Variants in CFAP100 observed in about 807,000 individuals in gnomAD.
CFAP100 encodes cilia- and flagella-associated protein 100.
In CFAP100, 70 loss-of-function variants were observed where a neutral mutation model predicts 81.5. The observed-to-expected ratio is 0.86, with a 90% CI of 0.71 to 1.05. CFAP100 has a LOEUF of 1.05. Among genes scored for constraint, CFAP100 ranks in the 50% least tolerant of loss-of-function variants. The pLI is 0.00. For synonymous variants in CFAP100, 341 were observed against 314.8 expected (o/e 1.08, Z -0.88); for missense variants, 811 against 776.5 (o/e 1.04, Z -0.53).
At position 126,435,596 on chromosome 3, in the gene CFAP100, CAGG is replaced by C; in HGVS notation, c.1672_1674del (p.Glu558del). ...GAAGCTCCAGATGCAAAAGATCCTA[CAGG>C]AGGAGCATCTGCAGCGGGCCCGGGC... On this transcript the variant is annotated inframe_deletion, in exon 16 of 17. Coordinates refer to ENST00000352312, the MANE Select transcript of CFAP100 (RefSeq NM_182628.3). 6.2e-7 allele frequency: 1 copy of C among 1,612,620 alleles called. No homozygotes were observed. The highest frequency in any genetic ancestry group is 8.5e-7 in the Non-Finnish European group (1 of 1,178,938).
chr3:126,424,860 G>A (rs1393360022), intron 13 of CFAP100, among the ~76,000 whole-genome samples: 2 of 152,220 alleles, frequency 1.3e-5, no homozygotes, highest in Non-Finnish European at 2.9e-5. Flanking sequence ...GGAGTGGGAG[G>A]AAAGCCATCC....
Position 126,423,353 on chromosome 3 carries a change from G to A in CFAP100, c.1111G>A (p.Glu371Lys), listed in dbSNP as rs1157982358. The change falls in exon 12 of 17, where the codon GAG becomes AAG. Residue 371 changes from glutamate (E) to lysine (K), a missense_variant. Coordinates refer to ENST00000352312, the MANE Select transcript of CFAP100 (RefSeq NM_182628.3). ...GSNSPIPPTQ[E>K]DTDSDGEEPQ... ...GAACTCTCCCATCCCCCCCACGCAG[G>A]AGGACACCGACAGCGATGGGGAGGT... 3.1e-6 allele frequency: 5 copies of A among 1,613,580 alleles called. No homozygotes were observed. In the East Asian group the frequency reaches 6.7e-5, roughly 22 times the overall value.
rs186809797 is a variant in CFAP100 at position 126,430,090 on chromosome 3, T to C, written c.1287-2979T>C. ...TTTTCTCTTGCTATCAAAATCTTTT[T>C]ATCTTTGACTCTAGATAATTTCATT... On this transcript the variant is annotated intron_variant, in intron 13 of 16. Transcript: ENST00000352312. Among the ~76,000 whole-genome samples, 618 of 152,352 alleles carry C rather than the reference T, an allele frequency of 4.1e-3. 13 individuals carry two copies. The highest frequency in any genetic ancestry group is 2.0e-3 in the Non-Finnish European group (135 of 68,028).
intron 13 of CFAP100, 150 bp from the exon 14 acceptor site, chr3:126,432,919 C>T: frequency 3.1e-6 from 2 of 648,454 alleles, no homozygotes; most frequent in South Asian, 3.9e-5. Flanking sequence ...CATTTCTGAC[C>T]CCCTGGGCAT....
chr3:126,424,737 T>C (rs1247029928), intron 13 of CFAP100, among the ~76,000 whole-genome samples: 2 of 152,250 alleles, frequency 1.3e-5, no homozygotes, highest in Non-Finnish European at 2.9e-5. Context: ...TTGTGCATAC[T>C]GATGTGTTCT....
chr3:126,414,980 C>T (rs1210733788), intron 4 of CFAP100, among the ~76,000 whole-genome samples: 2 of 152,232 alleles, frequency 1.3e-5, no homozygotes, highest in African/African-American at 4.8e-5. Context: ...GCACAGGCTT[C>T]AGCCCTGCCC....
chr3:126,401,838 TG>T (rs1220721347), intron 2 of CFAP100, among the ~76,000 whole-genome samples: 14 of 152,214 alleles, frequency 9.2e-5, no homozygotes, highest in South Asian at 8.3e-4. Context: ...GCCTCATCCC[TG>T]TGCTCCCCAG....
chr3:126,419,993 G>C lies in CFAP100; in HGVS notation c.927G>C (p.Lys309Asn). The change falls in exon 10 of 17, where the codon AAG becomes AAC. Residue 309 changes from lysine to asparagine, a missense_variant. By Grantham distance (94) the Lys-to-Asn change is moderately conservative (BLOSUM62 0). Coordinates refer to ENST00000352312, the MANE Select transcript of CFAP100 (RefSeq NM_182628.3). ...STPGDKGPGI[K>N]GKASSMWAKE... Reference sequence around the variant, plus strand: ...TGCTTCCTGCAGGACCAGGGATCAAGGGCAAGGCGAGCTCCATGTGGGCCA... The same window carrying C: ...TGCTTCCTGCAGGACCAGGGATCAACGGCAAGGCGAGCTCCATGTGGGCCA... 1.9e-6 allele frequency: 3 copies of C among 1,613,158 alleles called. No homozygotes were observed. The highest frequency in any genetic ancestry group is 2.5e-6 in the Non-Finnish European group (3 of 1,179,956).
In CFAP100 at chr3:126,418,736, C is replaced by T; in HGVS notation, c.612C>T (p.Val204=). The T allele has an allele frequency of 1.3e-6, 2 of 1,598,120 alleles. No homozygotes were observed. The highest frequency in any genetic ancestry group is 1.3e-5 in the African/African-American group (1 of 74,650). Residue 204 remains valine, a synonymous_variant, in exon 7 of 17, where the codon GTC becomes GTT. Coordinates refer to ENST00000352312, the MANE Select transcript of CFAP100 (RefSeq NM_182628.3). ...ACGCCGCCTTGTTCGACGAGTTCGT[C>T]AGGGAGAATGACTGCAGCTCCGTGC... ...EKDAALFDEF[V]RENDCSSVQA...
intron 12 of CFAP100, 42 bp downstream of exon 12, chr3:126,423,418 T>C: frequency 6.2e-7 from 1 of 1,607,814 alleles, no homozygotes. Context: ...AAGTCGCCCC[T>C]CTCTTTCCCT....
chr3:126,428,503 T>A (rs1441000469), intron 13 of CFAP100, among the ~76,000 whole-genome samples: 1 of 152,212 alleles, frequency 6.6e-6, no homozygotes, highest in Non-Finnish European at 1.5e-5. Context: ...GGAACCTGCA[T>A]GTAAAGTCTG....
At chr3:126,410,823 C>G (rs764935289) in intron 3 of CFAP100, among the ~76,000 whole-genome samples, 4 of 152,220 alleles carry the variant, frequency 2.6e-5, no homozygotes, top group African/African-American at 7.2e-5. Context: ...TTGTAGATAT[C>G]TGTATTTATT....
chr3:126,405,259 G>T (rs112213409), intron 2 of CFAP100, among the ~76,000 whole-genome samples: 50 of 152,172 alleles, frequency 3.3e-4, no homozygotes, highest in African/African-American at 1.2e-3. Context: ...TTCACTAAGT[G>T]TAATGTCCTT....
intron 3 of CFAP100, among the ~76,000 whole-genome samples, chr3:126,413,521 C>T (rs1395335941): frequency 6.6e-6 from 1 of 152,230 alleles, no homozygotes; most frequent in Non-Finnish European, 1.5e-5. Context: ...GAATTGCAGT[C>T]AGTGTGTAGA....
In CFAP100 at chr3:126,436,330, C is replaced by A. The variant is rs764449882; in HGVS notation, c.1762C>A (p.His588Asn). ...TLVCRSRPPA[H>N]RIKQQSEHTL... ...GGTATGCCGCTCACGACCCCCAGCC[C>A]ACAGGATCAAACAACAGTCTGAGCA... The change falls in exon 17 of 17, where the codon CAC (histidine) becomes AAC (asparagine). Residue 588 changes from histidine to asparagine, a missense_variant. Physicochemically the swap from His to Asn is moderately conservative, Grantham distance 68 (BLOSUM62 1). Coordinates refer to ENST00000352312, the MANE Select transcript of CFAP100 (RefSeq NM_182628.3). 1 of 1,614,078 alleles carries A rather than the reference C, an allele frequency of 6.2e-7. No homozygotes were observed. Among genetic ancestry groups the A allele is most frequent in the African/African-American group, 1.3e-5 (1 of 75,044 alleles).
intron 3 of CFAP100, among the ~76,000 whole-genome samples, 182 bp downstream of exon 3, chr3:126,407,434 C>T (rs547799906): frequency 1.8e-4 from 28 of 152,244 alleles, no homozygotes; most frequent in African/African-American, 6.0e-4. Flanking sequence ...TTTATTGCTC[C>T]CTCTGTTAAT....
Position 126,418,458 on chromosome 3 carries a change from A to T in CFAP100, c.419A>T (p.Glu140Val), listed in dbSNP as rs1246792142. ...YTTWKLTLTK[E>V]KNVEPENMSG... ...GCTCACCTCCCTCTTCTTCCAGCAG[A>T]AAAGAATGTGGAGCCTGAGAACATG... The change falls in exon 6 of 17, where the codon GAA becomes GTA. Residue 140 changes from glutamate to valine, a missense_variant and splice_region_variant. By Grantham distance (121) the Glu-to-Val change is moderately radical. Transcript: ENST00000352312. The T allele has an allele frequency of 6.2e-7, 1 of 1,613,902 alleles. No homozygotes were observed. The highest frequency in any genetic ancestry group is 8.5e-7 in the Non-Finnish European group (1 of 1,179,992).
intron 2 of CFAP100, among the ~76,000 whole-genome samples, chr3:126,405,009 T>C (rs2083042402): frequency 6.6e-6 from 1 of 152,170 alleles, no homozygotes; most frequent in Non-Finnish European, 1.5e-5. Flanking sequence ...TTTGATGAAA[T>C]ACACATAAAA....
At chr3:126,428,013 C>CACCATTCATGA (rs2107615424) in intron 13 of CFAP100, among the ~76,000 whole-genome samples, 1 of 152,312 alleles carries the variant, frequency 6.6e-6, no homozygotes, top group East Asian at 1.9e-4. Context: ...GATGGTGCTA[C>CACCATTCATGA]ACCATTCATG....
Sources: gnomAD v4.1 joint callset for allele counts (sites outside exome capture counted in the v4.1 genomes callset) on GRCh38, gnomAD v4.1.1 for gene constraint, MANE v1.5 for transcripts, NCBI Gene and HGNC (gene_info 2026-07-23, HGNC 2026-07-21) for gene names.